Variants in MNAT1 observed in about 807,000 individuals in gnomAD.
MNAT1 encodes CDK-activating kinase assembly factor MAT1.
In MNAT1, 43 loss-of-function variants were observed where a neutral mutation model predicts 42.0. The observed-to-expected ratio is 1.02, with a 90% CI of 0.80 to 1.32. The LOEUF (loss-of-function observed/expected upper bound fraction) is 1.32. Among genes scored for constraint, MNAT1 ranks in the 40% most tolerant of loss-of-function variants. MNAT1 has a pLI of 0.00. For synonymous variants in MNAT1, 118 were observed against 120.0 expected, an observed-to-expected ratio of 0.98 and a Z score of 0.11; for missense variants, 306 against 350.4, an observed-to-expected ratio of 0.87 and a Z score of 1.01.
At chr14:60,786,049 G>C (rs753024758) in intron 1 of MNAT1, among the ~76,000 whole-genome samples, 1 of 151,708 alleles carries the variant, frequency 6.6e-6, no homozygotes, top group Non-Finnish European at 1.5e-5. Context: ...AATAAACCCA[G>C]TGTTAAACTC....
intron 7 of MNAT1, among the ~76,000 whole-genome samples, chr14:60,936,694 A>G (rs1202987517): frequency 6.6e-6 from 1 of 152,154 alleles, no homozygotes; most frequent in East Asian, 1.9e-4. Context: ...ATACATGTGC[A>G]TGTGCCTTTA....
intron 7 of MNAT1, among the ~76,000 whole-genome samples, chr14:60,916,454 A>C (rs553482263): frequency 6.6e-6 from 1 of 152,332 alleles, no homozygotes; most frequent in South Asian, 2.1e-4. Context: ...CAGGAGTTTA[A>C]GACCAGTCTG....
rs60175838 is a variant in MNAT1 at position 60,862,567 on chromosome 14, T to G, written c.688-17147T>G. Among the ~76,000 whole-genome samples the G allele has an allele frequency of 1.6e-3, 243 of 152,324 alleles. 2 individuals carry two copies. Among genetic ancestry groups the G allele is most frequent in the African/African-American group, 5.5e-3 (230 of 41,580 alleles). On this transcript the variant is annotated intron_variant, in intron 6 of 7. Transcript: ENST00000261245. ...TTTGCACCACAGTAAAGTGCACAAC[T>G]GCTTTTGTAGAGGTCATTGTGGAGG...
At chr14:60,820,857 C>T (rs1389067673) in intron 6 of MNAT1, among the ~76,000 whole-genome samples, 3 of 152,118 alleles carry the variant, frequency 2.0e-5, no homozygotes, top group Non-Finnish European at 4.4e-5. Flanking sequence ...CTTCCCAGTA[C>T]ACTTAGAATA....
At chr14:60,810,831 G>C (rs554453194) in intron 4 of MNAT1, among the ~76,000 whole-genome samples, 26 of 152,234 alleles carry the variant, frequency 1.7e-4, no homozygotes, top group Non-Finnish European at 3.5e-4. Context: ...CTGCTGTTGA[G>C]TAGAATGTTC....
chr14:60,957,389 A>G (rs1429041084), intron 7 of MNAT1, among the ~76,000 whole-genome samples: 1 of 152,196 alleles, frequency 6.6e-6, no homozygotes, highest in Non-Finnish European at 1.5e-5. Flanking sequence ...CTGAAGGCGA[A>G]TGAGGAGCAA....
intron 1 of MNAT1, among the ~76,000 whole-genome samples, chr14:60,767,671 G>A (rs2030882771): frequency 6.6e-6 from 1 of 152,068 alleles, no homozygotes; most frequent in Non-Finnish European, 1.5e-5. Context: ...TGTGATCTTG[G>A]CTCATCGCAA....
chr14:60,916,878 G>A (rs1315229373), intron 7 of MNAT1, among the ~76,000 whole-genome samples: 3 of 152,092 alleles, frequency 2.0e-5, no homozygotes, highest in African/African-American at 7.2e-5. Flanking sequence ...GCTTGGACCT[G>A]GGAGGCGGGG....
At position 60,763,799 on chromosome 14, in the gene MNAT1, G is replaced by A. The variant is rs553399011; in HGVS notation, c.89+28848G>A. Among the ~76,000 whole-genome samples the A allele has an allele frequency of 1.8e-4, 27 of 152,208 alleles. 1 individual carries two copies. The East Asian group carries it at 4.8e-3, about 27-fold the overall frequency. On this transcript the variant is annotated intron_variant, in intron 1 of 7. Coordinates refer to ENST00000261245, the MANE Select transcript of MNAT1 (RefSeq NM_002431.4). Reference sequence around the variant, plus strand: ...ATAAATCCATATTAATCCACCTGGCGGAGTATAACATTTTAACATACCTTT... The same window carrying A: ...ATAAATCCATATTAATCCACCTGGCAGAGTATAACATTTTAACATACCTTT...
intron 7 of MNAT1, among the ~76,000 whole-genome samples, chr14:60,889,398 A>T (rs2034774960): frequency 6.6e-6 from 1 of 152,140 alleles, no homozygotes; most frequent in Non-Finnish European, 1.5e-5. Context: ...GGCTAGCCAT[A>T]TGTAGAAAGC....
chr14:60,857,760 T>C (rs2033997811), intron 6 of MNAT1, among the ~76,000 whole-genome samples: 1 of 151,856 alleles, frequency 6.6e-6, no homozygotes, highest in Non-Finnish European at 1.5e-5. Flanking sequence ...GTGTGTGATG[T>C]TCCCCTCCCT....
chr14:60,843,192 T>C (rs141482888), intron 6 of MNAT1, among the ~76,000 whole-genome samples: 1 of 152,358 alleles, frequency 6.6e-6, no homozygotes, highest in African/African-American at 2.4e-5. Flanking sequence ...TTGGTGATGA[T>C]TGATAGTATC....
chr14:60,750,251 G>T (rs1323981161), intron 1 of MNAT1, among the ~76,000 whole-genome samples: 1 of 150,850 alleles, frequency 6.6e-6, no homozygotes, highest in Non-Finnish European at 1.5e-5. Flanking sequence ...TTTTGAGACG[G>T]AATCTCGTTC....
chr14:60,750,573 A>C (rs1374333817), intron 1 of MNAT1, among the ~76,000 whole-genome samples: 5 of 149,782 alleles, frequency 3.3e-5, no homozygotes, highest in African/African-American at 4.9e-5. Flanking sequence ...GGAAAAGGAA[A>C]GTTTATAGTT....
chr14:60,792,283 T>C (rs944308530), intron 1 of MNAT1, among the ~76,000 whole-genome samples: 3 of 152,158 alleles, frequency 2.0e-5, no homozygotes, highest in Non-Finnish European at 4.4e-5. Flanking sequence ...TTTTGGCAAA[T>C]GATTTAGTTG....
intron 1 of MNAT1, among the ~76,000 whole-genome samples, chr14:60,780,864 G>A (rs1377041029): frequency 6.6e-6 from 1 of 151,810 alleles, no homozygotes; most frequent in African/African-American, 2.4e-5. Flanking sequence ...ATATTCCTTT[G>A]AAGATAGTAA....
intron 3 of MNAT1, among the ~76,000 whole-genome samples, chr14:60,805,427 G>C (rs563153362): frequency 3.1e-4 from 47 of 152,216 alleles, no homozygotes; most frequent in Non-Finnish European, 4.3e-4. Context: ...CACAAAGTCT[G>C]TAGTTTACAC....
chr14:60,758,461 C>G (rs775583399), intron 1 of MNAT1, among the ~76,000 whole-genome samples: 3 of 151,966 alleles, frequency 2.0e-5, no homozygotes, highest in Non-Finnish European at 4.4e-5. Context: ...CCTCAGCCTC[C>G]CAAAGTGCTG....
At chr14:60,896,560 A>T (rs1347963191) in intron 7 of MNAT1, among the ~76,000 whole-genome samples, 1 of 152,042 alleles carries the variant, frequency 6.6e-6, no homozygotes, top group African/African-American at 2.4e-5. Flanking sequence ...ATCTCGGCTC[A>T]CTGCAACCTC....
Sources: allele counts gnomAD v4.1 joint callset (sites outside exome capture counted in the v4.1 genomes callset), GRCh38; gene constraint gnomAD v4.1.1; transcripts MANE v1.5; gene names NCBI Gene and HGNC (gene_info 2026-07-23, HGNC 2026-07-21).